FNBP1L: variants seen among roughly 807,000 people sequenced by gnomAD.
The protein encoded by FNBP1L is formin-binding protein 1-like.
FNBP1L carries 36 observed loss-of-function variants against 91.2 expected under a neutral mutation model. The observed-to-expected ratio is 0.39, with a 90% CI of 0.30 to 0.52. The LOEUF (loss-of-function observed/expected upper bound fraction) is 0.52, where lower values mean the gene tolerates loss of function less well. FNBP1L is among the 20% of genes least tolerant of loss of function. FNBP1L has a pLI of 0.66. For synonymous variants in FNBP1L, 242 were observed against 237.0 expected (o/e 1.02, Z -0.19); for missense variants, 571 against 732.1 (o/e 0.78, Z 2.54).
At chr1:93,467,944 A>T (rs1669146001) in intron 1 of FNBP1L, among the ~76,000 whole-genome samples, 1 of 152,170 alleles carries the variant, frequency 6.6e-6, no homozygotes, top group Non-Finnish European at 1.5e-5. Context: ...ATTTTACATT[A>T]TGTGTATTTT....
intron 1 of FNBP1L, among the ~76,000 whole-genome samples, chr1:93,472,401 A>G (rs536870674): frequency 8.5e-5 from 13 of 152,318 alleles, no homozygotes; most frequent in Middle Eastern, 3.4e-3. Context: ...GCAGAGTGAT[A>G]TAAATTCAGA....
intron 3 of FNBP1L, among the ~76,000 whole-genome samples, chr1:93,522,731 C>T (rs1671371271): frequency 1.3e-5 from 2 of 152,144 alleles, no homozygotes; most frequent in African/African-American, 4.8e-5. Flanking sequence ...TAATCTTCAT[C>T]TGTAAGAGAG....
At chr1:93,549,218 A>G (rs1672328646) in intron 14 of FNBP1L, 60 bp from the exon 15 acceptor site, 1 of 1,368,768 alleles carries the variant, frequency 7.3e-7, no homozygotes, top group South Asian at 1.5e-5. Context: ...CAATTTATAA[A>G]TAATATATAG....
chr1:93,515,511 A>G (rs1671061277), intron 2 of FNBP1L, among the ~76,000 whole-genome samples: 3 of 152,142 alleles, frequency 2.0e-5, no homozygotes, highest in Admixed American at 2.0e-4. Context: ...ACTTGGAACC[A>G]ACCCAAATGT....
chr1:93,480,664 C>T (rs1181007400), intron 1 of FNBP1L, among the ~76,000 whole-genome samples: 2 of 151,874 alleles, frequency 1.3e-5, no homozygotes, highest in Non-Finnish European at 2.9e-5. Context: ...TGGCTCACTG[C>T]AAGCTCCACC....
intron 2 of FNBP1L, among the ~76,000 whole-genome samples, chr1:93,503,288 A>C (rs1246162282): frequency 6.6e-6 from 1 of 152,134 alleles, no homozygotes; most frequent in Non-Finnish European, 1.5e-5. Context: ...CGTGAGAACT[A>C]ACTCACTGTT....
intron 6 of FNBP1L, among the ~76,000 whole-genome samples, chr1:93,530,080 G>T (rs1300822444): frequency 6.6e-6 from 1 of 152,100 alleles, no homozygotes; most frequent in East Asian, 1.9e-4. Flanking sequence ...GAGAATAACT[G>T]TTGTAATTTG....
intron 1 of FNBP1L, among the ~76,000 whole-genome samples, chr1:93,468,387 A>G (rs1669165415): frequency 6.6e-6 from 1 of 152,044 alleles, no homozygotes; most frequent in African/African-American, 2.4e-5. Context: ...TATTTTTGGC[A>G]TGAATAATGC....
At chr1:93,531,283 G>A (rs139084094) in intron 7 of FNBP1L, among the ~76,000 whole-genome samples, 1 of 152,260 alleles carries the variant, frequency 6.6e-6, no homozygotes, top group East Asian at 1.9e-4. Flanking sequence ...AAATATATTT[G>A]CTAGCATGGT....
intron 2 of FNBP1L, among the ~76,000 whole-genome samples, chr1:93,520,627 A>G (rs1671289078): frequency 6.6e-6 from 1 of 152,210 alleles, no homozygotes; most frequent in Non-Finnish European, 1.5e-5. Flanking sequence ...TTTGAGACTC[A>G]GGGTATAAAG....
intron 2 of FNBP1L, among the ~76,000 whole-genome samples, chr1:93,508,359 A>G (rs1466616748): frequency 6.6e-6 from 1 of 152,074 alleles, no homozygotes; most frequent in Non-Finnish European, 1.5e-5. Context: ...AAAATAATAA[A>G]TTGATGTGTC....
intron 1 of FNBP1L, among the ~76,000 whole-genome samples, chr1:93,476,242 C>T (rs1456671809): frequency 1.3e-5 from 2 of 152,126 alleles, no homozygotes; most frequent in Admixed American, 1.3e-4. Flanking sequence ...ACTGTAAACT[C>T]TTAAGTGTAG....
intron 2 of FNBP1L, among the ~76,000 whole-genome samples, chr1:93,519,929 G>GCTAATGCTTTCATCTTGTC (rs1671266997): frequency 6.6e-6 from 1 of 152,128 alleles, no homozygotes. Context: ...TGAGTGAAGT[G>GCTAATGCTTTCATCTTGTC]CTAATGCTTT....
intron 9 of FNBP1L, 56 bp downstream of exon 9, chr1:93,534,964 A>G (rs1197475307): frequency 4.4e-6 from 6 of 1,378,666 alleles, no homozygotes; most frequent in East Asian, 2.5e-5. Context: ...AACTAAAACA[A>G]TGTGGGTATT....
At chr1:93,507,943 C>G (rs1557798635) in intron 2 of FNBP1L, among the ~76,000 whole-genome samples, 1 of 150,874 alleles carries the variant, frequency 6.6e-6, no homozygotes, top group African/African-American at 2.4e-5. Flanking sequence ...GCCACCACCC[C>G]TGGCCTAGTT....
At chr1:93,454,097 C>T (rs1198553178) in intron 1 of FNBP1L, among the ~76,000 whole-genome samples, 1 of 152,184 alleles carries the variant, frequency 6.6e-6, no homozygotes, top group African/African-American at 2.4e-5. Context: ...TTGTGTCTTA[C>T]TCATTGCTTA....
chr1:93,485,719 T>A (rs1669873678), intron 1 of FNBP1L, among the ~76,000 whole-genome samples: 1 of 152,188 alleles, frequency 6.6e-6, no homozygotes, highest in Non-Finnish European at 1.5e-5. Context: ...TTTTTTGAAG[T>A]GGAGTCTCTC....
At chr1:93,527,580 A>T (rs994649540) in intron 5 of FNBP1L, among the ~76,000 whole-genome samples, 2 of 152,164 alleles carry the variant, frequency 1.3e-5, no homozygotes, top group Non-Finnish European at 2.9e-5. Flanking sequence ...TTTCGGGGTA[A>T]TCTAATCATT....
intron 1 of FNBP1L, among the ~76,000 whole-genome samples, chr1:93,463,858 C>G (rs1668982432): frequency 6.6e-6 from 1 of 152,214 alleles, no homozygotes; most frequent in Admixed American, 6.5e-5. Flanking sequence ...TCTCCTATCA[C>G]ATTTTACATT....
Sources: gnomAD v4.1 joint callset for allele counts (sites outside exome capture counted in the v4.1 genomes callset) on GRCh38, gnomAD v4.1.1 for gene constraint, MANE v1.5 for transcripts, NCBI Gene and HGNC (gene_info 2026-07-23, HGNC 2026-07-21) for gene names.